ETS2: variants seen among roughly 807,000 people sequenced by gnomAD.
ETS2 encodes protein C-ets-2.
ETS2 carries 19 observed loss-of-function variants against 54.9 expected under a neutral mutation model. The ratio of observed to expected loss-of-function variants is 0.35; its 90% CI spans 0.24 to 0.51. The LOEUF (loss-of-function observed/expected upper bound fraction) is 0.51, where lower values mean the gene tolerates loss of function less well. Ranked by LOEUF, ETS2 falls within the 20% of genes least tolerant of loss-of-function variation. ETS2 has a pLI of 0.97. For missense variants in ETS2, 417 were observed against 593.0 expected (o/e 0.70, Z 3.08); for synonymous variants, 219 against 229.3 (o/e 0.95, Z 0.41).
intron 9 of ETS2, 44 bp from the exon 10 acceptor site, chr21:38,822,629 AT>A (rs1257733314): frequency 1.3e-6 from 2 of 1,505,522 alleles, no homozygotes; most frequent in African/African-American, 1.4e-5. Flanking sequence ...CTTTTTCTTC[AT>A]TGACAAATTG....
intron 6 of ETS2, 31 bp downstream of exon 6, chr21:38,817,122 T>G (rs752533870): frequency 4.9e-6 from 7 of 1,417,370 alleles, no homozygotes; most frequent in Non-Finnish European, 6.0e-6. Flanking sequence ...CCTTAAGAAC[T>G]TTGTCTTCAG....
At chr21:38,809,356 G>C (rs567256428) in intron 1 of ETS2, among the ~76,000 whole-genome samples, 61 of 152,266 alleles carry the variant, frequency 4.0e-4, no homozygotes, top group African/African-American at 1.4e-3. Context: ...TCCGTGCTTG[G>C]AATCAGTTCC....
rs1178184648 is a variant in ETS2 at position 38,806,717 on chromosome 21, T to C, written c.-1+597T>C. On this transcript the variant is annotated intron_variant, in intron 1 of 9. Coordinates refer to ENST00000360938, the MANE Select transcript of ETS2 (RefSeq NM_005239.6). This position sits in a 1 kb window ranked among gnomAD's most constrained non-coding sequence, Gnocchi z 4.3. ...GCCCGGGCTGGGGACCCCTCGGTCG[T>C]GCGAGGAGAGCGTGGGGAACCTGTC... The C allele has an allele frequency of 1.0e-6, 1 of 985,438 alleles. No individual in the cohort carries two copies. The highest frequency in any genetic ancestry group is 1.2e-6 in the Non-Finnish European group (1 of 829,946). 61.0% of individuals were successfully genotyped at this position (985,438 alleles called of 1,614,324 possible).
Position 38,823,542 on chromosome 21 carries a change from T to C in ETS2, c.*653T>C, listed in dbSNP as rs769486737. On this transcript the variant is annotated 3_prime_UTR_variant, in exon 10 of 10. Coordinates refer to ENST00000360938, the MANE Select transcript of ETS2 (RefSeq NM_005239.6). ...TCTGCCAAGGGCCGACTAAGAGAAGTTGTAAAGTATGTATTATTTACATTT... is the reference window on the plus strand; with the variant it reads ...TCTGCCAAGGGCCGACTAAGAGAAGCTGTAAAGTATGTATTATTTACATTT... 1.3e-5 allele frequency: 2 copies of C among 152,452 alleles called. No individual in the cohort carries two copies. The highest frequency in any genetic ancestry group is 2.9e-5 in the Non-Finnish European group (2 of 68,040). 9.4% of individuals were successfully genotyped at this position (152,452 alleles called of 1,614,324 possible).
Position 38,822,666 on chromosome 21 carries a change from C to G in ETS2, c.1195-8C>G, listed in dbSNP as rs2123427142. 2 of 1,610,758 alleles carry G rather than the reference C, an allele frequency of 1.2e-6. No homozygotes were observed. The highest frequency in any genetic ancestry group is 2.7e-5 in the African/African-American group (2 of 74,942). On this transcript the variant is annotated splice_region_variant and splice_polypyrimidine_tract_variant and intron_variant, in intron 9 of 9. Transcript: ENST00000360938. ...AGTTTAACTCTTTTCCATCCATGTT[C>G]ACCAAAGGTGGCCCGCCGGTGGGGA...
At chr21:38,822,543 C>T in intron 9 of ETS2, 131 bp from the exon 10 acceptor site, 3 of 738,454 alleles carry the variant, frequency 4.1e-6, no homozygotes, top group Non-Finnish European at 6.7e-6. Flanking sequence ...GGTCCTCCTG[C>T]GGACCTTGTG....
rs929023611 is a variant in ETS2, at chr21:38,806,570, G to A, written c.-1+450G>A. The A allele has an allele frequency of 3.0e-6, 3 of 985,308 alleles. No homozygotes were observed. Among genetic ancestry groups the A allele is most frequent in the African/African-American group, 1.7e-5 (1 of 57,232 alleles). The allele number at this position is 985,308 out of a possible 1,614,324, so 61.0% of individuals were successfully genotyped here. ...GTGGCCTGGCGCCCCGGCTTTGAGG[G>A]TGACTTCCTGGAGCGGCGCCGGGCC... On this transcript the variant is annotated intron_variant, in intron 1 of 9. Coordinates refer to ENST00000360938, the MANE Select transcript of ETS2 (RefSeq NM_005239.6). This position sits in a 1 kb window ranked among gnomAD's most constrained non-coding sequence, Gnocchi z 4.3.
intron 5 of ETS2, among the ~76,000 whole-genome samples, chr21:38,815,701 C>T (rs1005854448): frequency 4.0e-5 from 6 of 151,356 alleles, no homozygotes; most frequent in African/African-American, 9.7e-5. Context: ...GAGGCGGAGG[C>T]GGGCAGATTA....
intron 7 of ETS2, 140 bp downstream of exon 7, chr21:38,818,786 A>G: frequency 1.0e-6 from 1 of 979,802 alleles, no homozygotes; most frequent in Non-Finnish European, 1.5e-6. Flanking sequence ...GTGGATTTCC[A>G]ACAAGCATAC....
rs2060949207 is a variant in ETS2 at position 38,819,570 on chromosome 21, C to T, written c.879C>T (p.Leu293=). The change falls in exon 8 of 10, where the codon CTC becomes CTT. Residue 293 remains leucine, a synonymous_variant. Transcript: ENST00000360938. ...ADSFESSDSL[L]QSWNSQSSLL... The stretch of plus-strand genomic sequence containing the variant: ...GCTTCGAGAGCTCAGACTCCCTCCT[C>T]CAGTCCTGGAACAGCCAGTCGTCCT... The T allele has an allele frequency of 2.5e-6, 4 of 1,614,068 alleles. No homozygotes were observed. Among genetic ancestry groups the T allele is most frequent in the Admixed American group, 3.3e-5 (2 of 60,010 alleles).
chr21:38,821,820 C>T lies in ETS2; in HGVS notation c.1194+116C>T. ...TTCACCAGTACTGCTGAGAATCTTTCCACGTGAGGCATCCTTGGCTGTTGG... is the reference window on the plus strand; with the variant it reads ...TTCACCAGTACTGCTGAGAATCTTTTCACGTGAGGCATCCTTGGCTGTTGG... On this transcript the variant is annotated intron_variant, in intron 9 of 9. Coordinates refer to ENST00000360938, the MANE Select transcript of ETS2 (RefSeq NM_005239.6). This position sits in a 1 kb window ranked among gnomAD's most constrained non-coding sequence, Gnocchi z 4.2. 1.4e-6 allele frequency: 1 copy of T among 717,636 alleles called. No homozygotes were observed. Among genetic ancestry groups the T allele is most frequent in the South Asian group, 1.6e-5 (1 of 61,046 alleles). The allele number at this position is 717,636 out of a possible 1,614,324, so 44.5% of individuals were successfully genotyped here. A position where few individuals can be genotyped will look rare whatever the true frequency, so the allele number is the denominator to read the frequency against.
chr21:38,805,386 C>G, upstream of ETS2: 1 of 1,288,888 alleles, frequency 7.8e-7, no homozygotes. This position sits in a 1 kb window ranked among gnomAD's most constrained non-coding sequence, Gnocchi z 5.2. Flanking sequence ...TACCCAAGCC[C>G]GGCTGCCCTT....
intron 5 of ETS2, among the ~76,000 whole-genome samples, chr21:38,816,417 G>A (rs1041450298): frequency 1.3e-5 from 2 of 152,020 alleles, no homozygotes; most frequent in African/African-American, 4.8e-5. Context: ...ACCATTCCTC[G>A]GGCCTGTGAG....
In ETS2 at chr21:38,822,654, T is replaced by C; in HGVS notation, c.1195-20T>C. On this transcript the variant is annotated intron_variant, in intron 9 of 9. Coordinates refer to ENST00000360938, the MANE Select transcript of ETS2 (RefSeq NM_005239.6). ...ATTGACAAATTGAGTTTAACTCTTT[T>C]CCATCCATGTTCACCAAAGGTGGCC... 1 of 1,597,068 alleles carries C rather than the reference T, an allele frequency of 6.3e-7. No individual in the cohort carries two copies. The highest frequency in any genetic ancestry group is 1.1e-5 in the South Asian group (1 of 90,246).
chr21:38,811,619 C>A (rs528134258), intron 2 of ETS2, among the ~76,000 whole-genome samples: 6 of 152,104 alleles, frequency 3.9e-5, no homozygotes, highest in African/African-American at 1.4e-4. Context: ...ACAATTTAGG[C>A]GATGATGAAT....
chr21:38,808,883 G>A (rs1601424579), intron 1 of ETS2, among the ~76,000 whole-genome samples: 1 of 152,336 alleles, frequency 6.6e-6, no homozygotes, highest in East Asian at 1.9e-4. Flanking sequence ...CATGAACCTG[G>A]GAGGGCAAGG....
Position 38,814,856 on chromosome 21 carries a change from T to C in ETS2, c.380T>C (p.Val127Ala). The C allele has an allele frequency of 6.2e-7, 1 of 1,614,164 alleles. No homozygotes were observed. Among genetic ancestry groups the C allele is most frequent in the Non-Finnish European group, 8.5e-7 (1 of 1,180,020 alleles). Reference sequence around the variant, plus strand: ...ACCAATGAGTTCAGTCTGGTGAACGTGAATCTGCAGAGGTTCGGCATGAAT... The same window carrying C: ...ACCAATGAGTTCAGTCTGGTGAACGCGAATCTGCAGAGGTTCGGCATGAAT... The part of the protein sequence containing the change: ...WATNEFSLVN[V>A]NLQRFGMNGQ... Residue 127 changes from valine to alanine, a missense_variant, in exon 5 of 10, where the codon GTG (valine) becomes GCG (alanine). Coordinates refer to ENST00000360938, the MANE Select transcript of ETS2 (RefSeq NM_005239.6). The surrounding 1 kb of genome is among the most constrained non-coding windows in gnomAD (Gnocchi z 4.2).
Position 38,821,214 on chromosome 21 carries a change from C to T in ETS2, c.1076-372C>T, listed in dbSNP as rs1489589966. Among the ~76,000 whole-genome samples the T allele has an allele frequency of 2.6e-5, 4 of 152,174 alleles. 1 individual carries two copies. In the East Asian group the frequency reaches 7.7e-4, roughly 29 times the overall value. ...CCACTGGGTGTTTCTAGAAAAAAAC[C>T]TTGAAGGTTTTTACATAAGGAACAA... On this transcript the variant is annotated intron_variant, in intron 8 of 9. Coordinates refer to ENST00000360938, the MANE Select transcript of ETS2 (RefSeq NM_005239.6). The surrounding 1 kb of genome is among the most constrained non-coding windows in gnomAD (Gnocchi z 4.2).
rs2060891499 is a variant in ETS2 at position 38,806,093 on chromosome 21, A to G, written c.-28A>G. On this transcript the variant is annotated 5_prime_UTR_variant, in exon 1 of 10. Transcript: ENST00000360938. This position sits in a 1 kb window ranked among gnomAD's most constrained non-coding sequence, Gnocchi z 4.3. ...GCGCCGAGCAGCCACCGTCCCGACC[A>G]AGCGCCGGCCCTGCCCGCAGCGGCA... 1.8e-6 allele frequency: 2 copies of G among 1,089,020 alleles called. No homozygotes were observed. Among genetic ancestry groups the G allele is most frequent in the South Asian group, 2.2e-5 (1 of 46,504 alleles). The allele number at this position is 1,089,020 out of a possible 1,614,324, so 67.5% of individuals were successfully genotyped here.
Sources: allele counts gnomAD v4.1 joint callset (sites outside exome capture counted in the v4.1 genomes callset), GRCh38; gene constraint gnomAD v4.1.1; non-coding constraint Gnocchi (gnomAD v3.1); transcripts MANE v1.5; gene names NCBI Gene and HGNC (gene_info 2026-07-23, HGNC 2026-07-21).